The following HSPH1 variants were observed in gnomAD, a reference collection of about 807,000 sequenced individuals.
The protein encoded by HSPH1 is heat shock protein family H (Hsp110) member 1, also known as heat shock protein 105 kDa.
HSPH1 carries 40 observed loss-of-function variants against 100.0 expected under a neutral mutation model. That is an observed-to-expected ratio of 0.40 (90% CI 0.31 to 0.52). The LOEUF is 0.52. Among genes scored for constraint, HSPH1 ranks in the 20% least tolerant of loss-of-function variants. The pLI, the probability that HSPH1 is intolerant of heterozygous loss-of-function variation, is 0.54. For synonymous variants in HSPH1, 403 were observed against 344.0 expected, an observed-to-expected ratio of 1.17 and a Z score of -1.90; for missense variants, 876 against 1,015.1, an observed-to-expected ratio of 0.86 and a Z score of 1.86.
intron 2 of HSPH1, 130 bp downstream of exon 2, chr13:31,158,676 T>A (rs914641869): frequency 4.9e-6 from 3 of 611,128 alleles, no homozygotes; most frequent in South Asian, 4.3e-5. Context: ...TAAAGAATAC[T>A]TGAATTACAT....
At chr13:31,157,653 AG>A (rs1486577642) in intron 2 of HSPH1, among the ~76,000 whole-genome samples, 2 of 152,182 alleles carry the variant, frequency 1.3e-5, no homozygotes, top group African/African-American at 4.8e-5. Flanking sequence ...TTCTGTATTT[AG>A]AAAAATGTTT....
At position 31,161,852 on chromosome 13, in the gene HSPH1, T is replaced by C. The variant is rs983069135; in HGVS notation, c.-270A>G. ...AGGTCGCTCCGCACCTCGGGTTGCCTGCCTCACTCTGCCGCGGCTCGCACA... is the reference window on the plus strand; with the variant it reads ...AGGTCGCTCCGCACCTCGGGTTGCCCGCCTCACTCTGCCGCGGCTCGCACA... On this transcript the variant is annotated 5_prime_UTR_variant, in exon 1 of 18. Coordinates refer to ENST00000320027, the MANE Select transcript of HSPH1 (RefSeq NM_006644.4). 1.8e-5 allele frequency: 26 copies of C among 1,478,878 alleles called. No homozygotes were observed. Among genetic ancestry groups the C allele is most frequent in the Admixed American group, 2.3e-5 (1 of 44,402 alleles). 91.6% of individuals were successfully genotyped at this position (1,478,878 alleles called of 1,614,324 possible).
chr13:31,137,011 C>G lies in HSPH1; in HGVS notation c.*307G>C. ...TTTAATCACAGCCCTCTTGAACAAG[C>G]AGTACAGTTTTTTTTCTCCAAAAGA... is the stretch of plus-strand genomic sequence containing the variant. On this transcript the variant is annotated 3_prime_UTR_variant, in exon 18 of 18. Coordinates refer to ENST00000320027, the MANE Select transcript of HSPH1 (RefSeq NM_006644.4). 2.1e-6 allele frequency: 1 copy of G among 469,792 alleles called. No homozygotes were observed. Among genetic ancestry groups the G allele is most frequent in the South Asian group, 1.8e-5 (1 of 54,684 alleles). The allele number at this position is 469,792 out of a possible 1,614,324, so 29.1% of individuals were successfully genotyped here. A position where few individuals can be genotyped will look rare whatever the true frequency, so the allele number is the denominator to read the frequency against.
chr13:31,150,082 C>T lies in HSPH1; in HGVS notation c.1009G>A (p.Ala337Thr), dbSNP rs1302716019. 3 of 1,613,726 alleles carry T rather than the reference C, an allele frequency of 1.9e-6. No individual in the cohort carries two copies. Among genetic ancestry groups the T allele is most frequent in the South Asian group, 1.1e-5 (1 of 91,060 alleles). The stretch of plus-strand genomic sequence containing the variant: ...GTAGCGCCTCCAACAATCTCAACTG[C>T]ACTCACATCTTCTACTTTGAGATGA... ...QTHLKVEDVS[A>T]VEIVGGATRI... Residue 337 changes from alanine (A) to threonine (T), a missense_variant, in exon 8 of 18, where the codon GCA (alanine) becomes ACA (threonine). Transcript: ENST00000320027.
chr13:31,155,514 C>T lies in HSPH1; in HGVS notation c.306G>A (p.Lys102=). Reference sequence around the variant, plus strand: ...TTCTAAGGTTGCTCAATTATATTACCTTTATTCCAACTCCACCATTTTTCA... The same window carrying T: ...TTCTAAGGTTGCTCAATTATATTACTTTTATTCCAACTCCACCATTTTTCA... The part of the protein sequence containing the change: ...VPLKNGGVGI[K]VMYMGEEHLF... The change falls in exon 3 of 18, where the codon AAG becomes AAA. Residue 102 remains lysine, a splice_region_variant and synonymous_variant. Coordinates refer to ENST00000320027, the MANE Select transcript of HSPH1 (RefSeq NM_006644.4). 1.2e-6 allele frequency: 2 copies of T among 1,606,834 alleles called. No homozygotes were observed. Among genetic ancestry groups the T allele is most frequent in the East Asian group, 2.2e-5 (1 of 44,696 alleles).
chr13:31,144,782 T>C (rs547562998), intron 11 of HSPH1, among the ~76,000 whole-genome samples: 5 of 152,270 alleles, frequency 3.3e-5, no homozygotes, highest in African/African-American at 1.2e-4. Flanking sequence ...TGAGAAAGTA[T>C]ATGGCACTCA....
chr13:31,140,463 C>T, intron 13 of HSPH1, 154 bp from the exon 14 acceptor site: 1 of 504,128 alleles, frequency 2.0e-6, no homozygotes, highest in Non-Finnish European at 3.3e-6. Flanking sequence ...TTCCTACAAA[C>T]CAAACAGACA....
chr13:31,150,944 C>CACCT lies in HSPH1; in HGVS notation c.907_908+2dup, dbSNP rs746499701. On this transcript the variant is annotated splice_region_variant and intron_variant, in intron 7 of 17. Coordinates refer to ENST00000320027, the MANE Select transcript of HSPH1 (RefSeq NM_006644.4). ...TATTTAATCTGTAGAATTCAAGACA[C>CACCT]ACCTGTTCATCTTTCCGGAAACATC... 64 of 1,608,434 alleles carry CACCT rather than the reference C, an allele frequency of 4.0e-5. No homozygotes were observed. Among genetic ancestry groups the CACCT allele is most frequent in the Non-Finnish European group, 5.2e-5 (61 of 1,177,556 alleles).
chr13:31,140,279 T>C lies in HSPH1; in HGVS notation c.1885A>G (p.Lys629Glu). ...GCATTTTTAGCATCATTCCTTTCTT[T>C]TTCCAATTTATCTTGCATTATCATC... ...GKMIMQDKLE[K>E]ERNDAKNAVE... Residue 629 changes from lysine to glutamate, a missense_variant, in exon 14 of 18, where the codon AAA becomes GAA. Transcript: ENST00000320027. 1 of 1,611,072 alleles carries C rather than the reference T, an allele frequency of 6.2e-7. No individual in the cohort carries two copies. Among genetic ancestry groups the C allele is most frequent in the Non-Finnish European group, 8.5e-7 (1 of 1,178,516 alleles).
chr13:31,158,156 T>C (rs1253826697), intron 2 of HSPH1, among the ~76,000 whole-genome samples: 4 of 152,178 alleles, frequency 2.6e-5, no homozygotes, highest in Non-Finnish European at 4.4e-5. Flanking sequence ...ATAAAAGGAA[T>C]CTCTTAAATG....
chr13:31,144,764 A>G (rs368468410), intron 11 of HSPH1, among the ~76,000 whole-genome samples: 4 of 152,182 alleles, frequency 2.6e-5, no homozygotes, highest in African/African-American at 7.2e-5. Context: ...AAAAGGTACT[A>G]AAGAGATTGA....
intron 12 of HSPH1, among the ~76,000 whole-genome samples, chr13:31,143,547 T>C (rs926947847): frequency 2.6e-5 from 4 of 152,120 alleles, no homozygotes; most frequent in Non-Finnish European, 5.9e-5. Context: ...AGTCTCTTGT[T>C]ACTTCGAGTG....
At chr13:31,151,888 C>T in intron 5 of HSPH1, 146 bp from the exon 6 acceptor site, 1 of 617,686 alleles carries the variant, frequency 1.6e-6, no homozygotes, top group Non-Finnish European at 2.8e-6. Flanking sequence ...TACCTGACTT[C>T]ACACTGATTT....
In HSPH1 at chr13:31,161,878, C is replaced by A. The variant is rs558515290; in HGVS notation, c.-296G>T. ...GCCTCACTCTGCCGCGGCTCGCACACCGGCGCCGGCGCTGAACTACCGACC... is the reference window on the plus strand; with the variant it reads ...GCCTCACTCTGCCGCGGCTCGCACAACGGCGCCGGCGCTGAACTACCGACC... On this transcript the variant is annotated 5_prime_UTR_variant, in exon 1 of 18. Transcript: ENST00000320027. The A allele has an allele frequency of 3.6e-5, 53 of 1,486,178 alleles. No homozygotes were observed. The East Asian group carries it at 9.7e-4, about 27-fold the overall frequency. 92.1% of individuals were successfully genotyped at this position (1,486,178 alleles called of 1,614,324 possible).
At chr13:31,143,669 G>GA (rs1956175952) in intron 12 of HSPH1, 123 bp downstream of exon 12, 5 of 874,572 alleles carry the variant, frequency 5.7e-6, no homozygotes, top group South Asian at 6.1e-5. Context: ...AAAATCAACA[G>GA]AAAAAAATCC....
At chr13:31,153,024 T>A in intron 4 of HSPH1, 73 bp from the exon 5 acceptor site, 1 of 1,048,570 alleles carries the variant, frequency 9.5e-7, no homozygotes, top group Non-Finnish European at 1.5e-6. Flanking sequence ...AAACCACTTA[T>A]AAATTCACAA....
chr13:31,140,484 C>T (rs1956049882), intron 13 of HSPH1, 175 bp from the exon 14 acceptor site: 1 of 396,692 alleles, frequency 2.5e-6, no homozygotes, highest in African/African-American at 2.1e-5. Context: ...TTTCCATTTT[C>T]TAAATACTCA....
rs1956931418 is a variant in HSPH1, at chr13:31,161,846, G to A, written c.-264C>T. On this transcript the variant is annotated 5_prime_UTR_variant, in exon 1 of 18. Coordinates refer to ENST00000320027, the MANE Select transcript of HSPH1 (RefSeq NM_006644.4). Reference sequence around the variant, plus strand: ...CTCCGCAGGTCGCTCCGCACCTCGGGTTGCCTGCCTCACTCTGCCGCGGCT... The same window carrying A: ...CTCCGCAGGTCGCTCCGCACCTCGGATTGCCTGCCTCACTCTGCCGCGGCT... The A allele has an allele frequency of 6.8e-7, 1 of 1,479,364 alleles. No individual in the cohort carries two copies. Among genetic ancestry groups the A allele is most frequent in the Non-Finnish European group, 9.0e-7 (1 of 1,117,212 alleles). 91.6% of individuals were successfully genotyped at this position (1,479,364 alleles called of 1,614,324 possible).
At chr13:31,141,675 G>GT (rs1415669662) in intron 12 of HSPH1, among the ~76,000 whole-genome samples, 2 of 152,008 alleles carry the variant, frequency 1.3e-5, no homozygotes, top group East Asian at 3.9e-4. Context: ...CTTAATTCCT[G>GT]TAATATTAAA....
Sources: gnomAD v4.1 joint callset for allele counts (sites outside exome capture counted in the v4.1 genomes callset) on GRCh38, gnomAD v4.1.1 for gene constraint, MANE v1.5 for transcripts, NCBI Gene and HGNC (gene_info 2026-07-23, HGNC 2026-07-21) for gene names.